FHIT: variants seen among roughly 807,000 people sequenced by gnomAD.
FHIT encodes the protein bis(5'-adenosyl)-triphosphatase.
A neutral mutation model predicts 17.9 loss-of-function variants in FHIT; 19 were observed. The observed-to-expected ratio is 1.06, with a 90% CI of 0.74 to 1.56. FHIT has a LOEUF of 1.56. Ranked by LOEUF, FHIT falls within the 40% of genes most tolerant of loss-of-function variation. The pLI is 0.00. For missense variants in FHIT, 248 were observed against 189.2 expected (o/e 1.31, Z -1.82); for synonymous variants, 81 against 69.7 (o/e 1.16, Z -0.81).
chr3:60,799,243 C>T (rs1235920047), intron 4 of FHIT, among the ~76,000 whole-genome samples: 2 of 151,788 alleles, frequency 1.3e-5, no homozygotes, highest in Middle Eastern at 3.5e-3. Context: ...GGCGCAATCT[C>T]GGCTCACTGC....
intron 3 of FHIT, among the ~76,000 whole-genome samples, chr3:60,897,610 A>G (rs1705896256): frequency 1.3e-5 from 2 of 152,188 alleles, no homozygotes; most frequent in African/African-American, 4.8e-5. Flanking sequence ...TCATTACACT[A>G]TACATGGGAA....
chr3:61,113,667 C>T (rs780337106), intron 2 of FHIT, among the ~76,000 whole-genome samples: 1 of 152,214 alleles, frequency 6.6e-6, no homozygotes, highest in Admixed American at 6.5e-5. Context: ...TATTTGACAT[C>T]TCTCTTGAAT....
intron 4 of FHIT, among the ~76,000 whole-genome samples, chr3:60,569,753 A>ATTTTT (rs1200159409): frequency 1.2e-4 from 7 of 57,216 alleles, no homozygotes; most frequent in South Asian, 1.6e-3. Flanking sequence ...ATATATATAT[A>ATTTTT]TATTTTTTTT....
chr3:60,955,621 T>TATATAC (rs1559862407), intron 3 of FHIT, among the ~76,000 whole-genome samples: 65 of 15,148 alleles, frequency 4.3e-3, no homozygotes, highest in Admixed American at 0.013. Context: ...TATATATATA[T>TATATAC]ATATATATAT....
At chr3:61,171,125 A>C (rs1354225649) in intron 2 of FHIT, among the ~76,000 whole-genome samples, 1 of 152,012 alleles carries the variant, frequency 6.6e-6, no homozygotes, top group Non-Finnish European at 1.5e-5. Flanking sequence ...TTACTTTTTT[A>C]GCTTGTTAAT....
chr3:60,902,405 G>A (rs1420175789), intron 3 of FHIT, among the ~76,000 whole-genome samples: 1 of 152,060 alleles, frequency 6.6e-6, no homozygotes, highest in African/African-American at 2.4e-5. Context: ...AATAGGATTT[G>A]GATTATGATT....
rs564631180 is a variant in FHIT, at chr3:60,940,529, C to T, written c.-111+101518G>A. Reference sequence around the variant, plus strand: ...ACTATAGTTTTTATTATATTCTTTCCGAATCCAATATACAAGTTATGTAAC... The same window carrying T: ...ACTATAGTTTTTATTATATTCTTTCTGAATCCAATATACAAGTTATGTAAC... On this transcript the variant is annotated intron_variant, in intron 3 of 9. Coordinates refer to ENST00000492590, the MANE Select transcript of FHIT (RefSeq NM_002012.4). 9.9e-5 allele frequency among the ~76,000 whole-genome samples: 15 copies of T among 152,000 alleles called. No individual in the cohort carries two copies. In the South Asian group the frequency reaches 1.0e-3, roughly 11 times the overall value.
chr3:61,078,243 T>C (rs1204395410), intron 2 of FHIT, among the ~76,000 whole-genome samples: 1 of 152,188 alleles, frequency 6.6e-6, no homozygotes, highest in Non-Finnish European at 1.5e-5. Flanking sequence ...TTGATATATG[T>C]GTCTGACATC....
At chr3:59,852,104 G>C (rs1701964715) in intron 8 of FHIT, among the ~76,000 whole-genome samples, 1 of 152,070 alleles carries the variant, frequency 6.6e-6, no homozygotes, top group Non-Finnish European at 1.5e-5. Flanking sequence ...AAGGTATGGT[G>C]GAGTTCTGTT....
chr3:60,960,031 G>T (rs887128929), intron 3 of FHIT, among the ~76,000 whole-genome samples: 2 of 151,526 alleles, frequency 1.3e-5, no homozygotes, highest in African/African-American at 4.8e-5. Context: ...AAAATATAAG[G>T]TGATTATCTC....
At chr3:60,153,765 T>C (rs1016207764) in intron 5 of FHIT, among the ~76,000 whole-genome samples, 12 of 152,194 alleles carry the variant, frequency 7.9e-5, no homozygotes, top group Non-Finnish European at 1.8e-4. Context: ...TAAACTCTAC[T>C]GAAATAACTA....
chr3:60,776,533 T>G (rs1263027926), intron 4 of FHIT, among the ~76,000 whole-genome samples: 4 of 150,862 alleles, frequency 2.7e-5, no homozygotes, highest in Admixed American at 2.6e-4. Context: ...TTGCTAAGTG[T>G]TTTGAGGTTA....
chr3:61,073,625 C>A (rs1022362956), intron 2 of FHIT, among the ~76,000 whole-genome samples: 2 of 152,184 alleles, frequency 1.3e-5, no homozygotes, highest in South Asian at 2.1e-4. Flanking sequence ...GCAAAGAATT[C>A]GTGAGTATTC....
chr3:60,405,343 G>C (rs533087124), intron 5 of FHIT, among the ~76,000 whole-genome samples: 2 of 152,120 alleles, frequency 1.3e-5, no homozygotes, highest in Non-Finnish European at 2.9e-5. Context: ...ACACCACTCA[G>C]CATGCACTCC....
chr3:60,466,200 T>C (rs1490037455), intron 5 of FHIT, among the ~76,000 whole-genome samples: 1 of 152,114 alleles, frequency 6.6e-6, no homozygotes, highest in Non-Finnish European at 1.5e-5. Flanking sequence ...TGTTGGCATA[T>C]AAAAATGCTA....
chr3:59,764,762 T>G (rs1360639704), intron 8 of FHIT, among the ~76,000 whole-genome samples: 4 of 151,898 alleles, frequency 2.6e-5, no homozygotes, highest in African/African-American at 9.7e-5. Context: ...TGAAAGAAAC[T>G]GAGATTTCCT....
At chr3:60,493,893 TA>T (rs1374962920) in intron 5 of FHIT, among the ~76,000 whole-genome samples, 1 of 152,170 alleles carries the variant, frequency 6.6e-6, no homozygotes, top group African/African-American at 2.4e-5. Context: ...CACCAGAAGC[TA>T]AATATGAATA....
intron 4 of FHIT, among the ~76,000 whole-genome samples, chr3:60,788,078 G>A (rs6794439): frequency 0.1 from 15,606 of 152,076 alleles, 1,087 homozygotes; most frequent in African/African-American, 0.19. Context: ...TGTTAAATAA[G>A]GCATCTTTAA....
chr3:60,219,719 T>C (rs887940598), intron 5 of FHIT, among the ~76,000 whole-genome samples: 3 of 152,114 alleles, frequency 2.0e-5, no homozygotes, highest in Non-Finnish European at 2.9e-5. Context: ...CAAAGCTTTG[T>C]TCTCCTCACT....
Sources: allele counts gnomAD v4.1 joint callset (sites outside exome capture counted in the v4.1 genomes callset), GRCh38; gene constraint gnomAD v4.1.1; transcripts MANE v1.5; gene names NCBI Gene and HGNC (gene_info 2026-07-23, HGNC 2026-07-21).